The following EDARADD variants were observed in gnomAD, a reference collection of about 807,000 sequenced individuals.
The protein encoded by EDARADD is ectodysplasin-A receptor-associated adapter protein.
A neutral mutation model predicts 25.6 loss-of-function variants in EDARADD; 20 were observed. The observed-to-expected ratio is 0.78, with a 90% confidence interval of 0.55 to 1.14. The LOEUF is 1.14. Among genes scored for constraint, EDARADD ranks in the 50% most tolerant of loss-of-function variants. EDARADD has a pLI of 0.00. For synonymous variants in EDARADD, 86 were observed against 94.4 expected (o/e 0.91, Z 0.52); for missense variants, 225 against 270.1 (o/e 0.83, Z 1.17).
chr1:236,449,577 T>C (rs1418504886), intron 4 of EDARADD, among the ~76,000 whole-genome samples: 2 of 152,220 alleles, frequency 1.3e-5, no homozygotes, highest in African/African-American at 4.8e-5. Flanking sequence ...CATGAATCAT[T>C]TTGCTTTATT....
intron 4 of EDARADD, among the ~76,000 whole-genome samples, chr1:236,466,000 G>C (rs553418590): frequency 2.8e-4 from 43 of 152,308 alleles, no homozygotes; most frequent in African/African-American, 9.4e-4. Context: ...TCCAGATTAT[G>C]AGAAATCAAG....
chr1:236,381,063 C>T (rs1208815141), intron 3 of EDARADD, among the ~76,000 whole-genome samples: 2 of 152,178 alleles, frequency 1.3e-5, no homozygotes, highest in Non-Finnish European at 1.5e-5. Context: ...CCTTTGTAAT[C>T]CATCCTTCCC....
intron 3 of EDARADD, among the ~76,000 whole-genome samples, chr1:236,387,217 C>G (rs1429660859): frequency 2.9e-5 from 2 of 69,922 alleles, no homozygotes; most frequent in Non-Finnish European, 3.1e-5. Context: ...CCCCCCCGCC[C>G]GGCCAGCCGC....
chr1:236,437,320 A>G (rs1157768183), intron 4 of EDARADD, among the ~76,000 whole-genome samples: 5 of 152,174 alleles, frequency 3.3e-5, no homozygotes, highest in African/African-American at 9.7e-5. Flanking sequence ...TGTAAACACT[A>G]CTTTGGGAAG....
At position 236,447,229 on chromosome 1, in the gene EDARADD, CTTTCCTTT is replaced by C. The variant is rs1558127503; in HGVS notation, c.219+19780_219+19787del. Among the ~76,000 whole-genome samples, 171 of 103,110 alleles carry C rather than the reference CTTTCCTTT, an allele frequency of 1.7e-3. 1 individual carries two copies. Among genetic ancestry groups the C allele is most frequent in the African/African-American group, 7.4e-3 (155 of 20,876 alleles). The allele number at this position is 103,110 out of a possible 152,430, so 67.6% of individuals were successfully genotyped here. A position where few individuals can be genotyped will look rare whatever the true frequency, so the allele number is the denominator to read the frequency against. ...CTTTCTTTCTTTCTTTCTTTCCTTT[CTTTCCTTT>C]CTTTCCTTTCTTTCCTTTCTTTCTT... On this transcript the variant is annotated intron_variant, in intron 4 of 5. Transcript: ENST00000334232.
At chr1:236,438,001 C>T (rs923183803) in intron 4 of EDARADD, among the ~76,000 whole-genome samples, 4 of 152,112 alleles carry the variant, frequency 2.6e-5, no homozygotes, top group East Asian at 1.9e-4. Context: ...GCCCACCTTG[C>T]GCCCTGCCCA....
At chr1:236,436,954 A>G (rs1055500509) in intron 4 of EDARADD, among the ~76,000 whole-genome samples, 3 of 152,216 alleles carry the variant, frequency 2.0e-5, no homozygotes, top group Non-Finnish European at 2.9e-5. Flanking sequence ...TAGATGGTGA[A>G]ACATCCATTC....
At chr1:236,471,310 A>G (rs1222584642) in intron 5 of EDARADD, among the ~76,000 whole-genome samples, 1 of 152,188 alleles carries the variant, frequency 6.6e-6, no homozygotes, top group Non-Finnish European at 1.5e-5. Context: ...AGTAGATAAA[A>G]ATAATTCTTC....
At chr1:236,446,137 A>AT (rs1399255731) in intron 4 of EDARADD, among the ~76,000 whole-genome samples, 2 of 152,142 alleles carry the variant, frequency 1.3e-5, no homozygotes, top group Non-Finnish European at 2.9e-5. Context: ...TCCTACTGCC[A>AT]TTTTTTAAAC....
rs554176790 is a variant in EDARADD at position 236,475,019 on chromosome 1, G to A, written c.265+6743G>A. On this transcript the variant is annotated intron_variant, in intron 5 of 5. Transcript: ENST00000334232. ...GTGGTGGCAGACACCTGTAATCCCA[G>A]CTACTCGGGAGGGTGAGGCAGGAGA... is the stretch of plus-strand genomic sequence containing the variant. Among the ~76,000 whole-genome samples the A allele has an allele frequency of 7.6e-4, 115 of 152,222 alleles. 1 individual carries two copies. Among genetic ancestry groups the A allele is most frequent in the Admixed American group, 3.2e-3 (49 of 15,290 alleles).
intron 3 of EDARADD, among the ~76,000 whole-genome samples, chr1:236,355,729 C>T (rs12073577): frequency 0.015 from 2,306 of 151,690 alleles, 65 homozygotes; most frequent in African/African-American, 0.053. Context: ...AGGCTGGTCT[C>T]GAACTCCTGA....
intron 3 of EDARADD, among the ~76,000 whole-genome samples, chr1:236,376,494 T>C (rs1164024178): frequency 6.6e-6 from 1 of 152,204 alleles, no homozygotes. Flanking sequence ...TTCACTTCAC[T>C]TTCATCTTGC....
chr1:236,377,520 CAT>C (rs1027285007), intron 3 of EDARADD, among the ~76,000 whole-genome samples: 8 of 150,616 alleles, frequency 5.3e-5, no homozygotes, highest in Non-Finnish European at 8.9e-5. Flanking sequence ...ACATTCCTGC[CAT>C]ATATATATGA....
At chr1:236,358,904 G>A (rs993095943) in intron 3 of EDARADD, among the ~76,000 whole-genome samples, 2 of 152,184 alleles carry the variant, frequency 1.3e-5, no homozygotes, top group Non-Finnish European at 2.9e-5. Flanking sequence ...ATCCAGAGCT[G>A]AGTTCATGTC....
Position 236,395,672 on chromosome 1 carries a change from C to T in EDARADD, c.61+1167C>T, listed in dbSNP as rs1352457015. On this transcript the variant is annotated intron_variant, in intron 1 of 5. Transcript: ENST00000334232. This position sits in a 1 kb window ranked among gnomAD's most constrained non-coding sequence, Gnocchi z 6.9. Reference sequence around the variant, plus strand: ...CCCTCTGCGCGCAGGTAAAGGGACACAGCGCCGCGCCCGCTCCTGGAGCGA... The same window carrying T: ...CCCTCTGCGCGCAGGTAAAGGGACATAGCGCCGCGCCCGCTCCTGGAGCGA... The T allele has an allele frequency of 5.1e-6, 8 of 1,566,916 alleles. No homozygotes were observed. The highest frequency in any genetic ancestry group is 2.3e-5 in the East Asian group (1 of 42,864).
Position 236,395,621 on chromosome 1 carries a change from C to T in EDARADD, c.61+1116C>T. The T allele has an allele frequency of 5.1e-6, 8 of 1,568,478 alleles. No homozygotes were observed. The highest frequency in any genetic ancestry group is 6.9e-6 in the Non-Finnish European group (8 of 1,159,056). Reference sequence around the variant, plus strand: ...CGCTCGGACGCTCGTTTGCCCCTAACCCGCCGCCATGGCTTCACCGGACGA... The same window carrying T: ...CGCTCGGACGCTCGTTTGCCCCTAATCCGCCGCCATGGCTTCACCGGACGA... On this transcript the variant is annotated intron_variant, in intron 1 of 5. Coordinates refer to ENST00000334232, the MANE Select transcript of EDARADD (RefSeq NM_145861.4). This position sits in a 1 kb window ranked among gnomAD's most constrained non-coding sequence, Gnocchi z 6.9.
In EDARADD at chr1:236,483,826, A is replaced by C. The variant is rs1659754285; in HGVS notation, c.*1177A>C. The C allele has an allele frequency of 7.0e-7, 1 of 1,436,178 alleles. No individual in the cohort carries two copies. The highest frequency in any genetic ancestry group is 9.8e-7 in the Non-Finnish European group (1 of 1,020,074). The allele number at this position is 1,436,178 out of a possible 1,614,324, so 89.0% of individuals were successfully genotyped here. The stretch of plus-strand genomic sequence containing the variant: ...TTTGCTCCCAACATCCTGGAGAATA[A>C]AGAAGGCCTGGAGCTGCTGAAGACT... On this transcript the variant is annotated 3_prime_UTR_variant, in exon 6 of 6. Coordinates refer to ENST00000334232, the MANE Select transcript of EDARADD (RefSeq NM_145861.4).
chr1:236,463,650 C>T (rs12049011), intron 4 of EDARADD, among the ~76,000 whole-genome samples: 11,441 of 152,212 alleles, frequency 0.075, 475 homozygotes, highest in African/African-American at 0.095. Context: ...CGGTGTTGTG[C>T]GACCGTCACC....
chr1:236,380,436 G>A (rs58763755), intron 3 of EDARADD, among the ~76,000 whole-genome samples: 5,119 of 151,666 alleles, frequency 0.034, 292 homozygotes, highest in East Asian at 0.3. Context: ...GTGACTAAAT[G>A]TTTGGAACAG....
Sources: allele counts gnomAD v4.1 joint callset (sites outside exome capture counted in the v4.1 genomes callset), GRCh38; gene constraint gnomAD v4.1.1; non-coding constraint Gnocchi (gnomAD v3.1); transcripts MANE v1.5; gene names NCBI Gene and HGNC (gene_info 2026-07-23, HGNC 2026-07-21).